Variants in BMAL1 observed in about 807,000 individuals in gnomAD.
The protein encoded by BMAL1 is basic helix-loop-helix ARNT-like protein 1.
At chr11:13,371,290 TCTC>T in the BMAL1 span, among the ~76,000 whole-genome samples, 9 of 152,334 alleles carry the variant, frequency 5.9e-5, no homozygotes, top group Non-Finnish European at 1.0e-4. Flanking sequence ...TTTTCTTTCT[TCTC>T]TGAGTCAGTG....
chr11:13,363,946 T>G, the BMAL1 span, among the ~76,000 whole-genome samples: 1 of 152,188 alleles, frequency 6.6e-6, no homozygotes, highest in African/African-American at 2.4e-5. Flanking sequence ...ATGCATTCAC[T>G]GCTTTGGAAC....
At chr11:13,280,720 T>C in the BMAL1 span, among the ~76,000 whole-genome samples, 1 of 152,184 alleles carries the variant, frequency 6.6e-6, no homozygotes, top group Non-Finnish European at 1.5e-5. Flanking sequence ...AAGACTCAGA[T>C]TTATCCCAAA....
chr11:13,385,942 A>G, the BMAL1 span: 1 of 675,668 alleles, frequency 1.5e-6, no homozygotes, highest in Non-Finnish European at 2.4e-6. Flanking sequence ...TTAAATCTCT[A>G]AAAAGTTGAC....
chr11:13,380,420 C>T, the BMAL1 span: 2 of 152,230 alleles, frequency 1.3e-5, no homozygotes, highest in East Asian at 1.9e-4. Context: ...CCATCACACT[C>T]TCCCTAAACT....
At chr11:13,373,625 G>A in the BMAL1 span, among the ~76,000 whole-genome samples, 1 of 152,140 alleles carries the variant, frequency 6.6e-6, no homozygotes, top group African/African-American at 2.4e-5. Flanking sequence ...TCCCACCTCA[G>A]CCTCCCAGGT....
the BMAL1 span, among the ~76,000 whole-genome samples, chr11:13,352,927 G>A: frequency 6.6e-6 from 1 of 152,220 alleles, no homozygotes; most frequent in African/African-American, 2.4e-5. Context: ...AACTGGGCTT[G>A]GAGTCAGAGT....
At chr11:13,380,020 T>C in the BMAL1 span, 4 of 152,212 alleles carry the variant, frequency 2.6e-5, no homozygotes, top group Non-Finnish European at 5.9e-5. Context: ...GGCCTTATCC[T>C]ACAGAGATGA....
the BMAL1 span, among the ~76,000 whole-genome samples, chr11:13,309,681 C>A: frequency 6.6e-6 from 1 of 152,044 alleles, no homozygotes; most frequent in Admixed American, 6.6e-5. Flanking sequence ...TTTAACAGGT[C>A]TCTTCTCTTA....
the BMAL1 span, among the ~76,000 whole-genome samples, chr11:13,284,194 G>A: frequency 0.071 from 1,038 of 14,572 alleles, 125 homozygotes; most frequent in African/African-American, 0.18. Context: ...ATATATATAT[G>A]TGTGTATATA....
At chr11:13,386,016 C>CCTAGA in the BMAL1 span, among the ~76,000 whole-genome samples, 1 of 152,170 alleles carries the variant, frequency 6.6e-6, no homozygotes, top group African/African-American at 2.4e-5. Context: ...GCTACAGCTA[C>CCTAGA]CTAGACATAG....
chr11:13,318,512 GTGT>G, the BMAL1 span, among the ~76,000 whole-genome samples: 2 of 139,738 alleles, frequency 1.4e-5, no homozygotes, highest in African/African-American at 2.7e-5. Context: ...ACAATTTATG[GTGT>G]TGTAAATTTG....
At chr11:13,340,901 A>G in the BMAL1 span, among the ~76,000 whole-genome samples, 1 of 152,184 alleles carries the variant, frequency 6.6e-6, no homozygotes, top group Non-Finnish European at 1.5e-5. Flanking sequence ...TGGTCTGCAC[A>G]ACAACCCAGT....
the BMAL1 span, among the ~76,000 whole-genome samples, chr11:13,326,883 G>A: frequency 2.6e-5 from 4 of 151,808 alleles, no homozygotes; most frequent in South Asian, 2.1e-4. Context: ...GCAGTGGTGC[G>A]ATCTCGGCTC....
the BMAL1 span, among the ~76,000 whole-genome samples, chr11:13,355,798 G>A: frequency 8.5e-5 from 13 of 152,088 alleles, no homozygotes; most frequent in Admixed American, 7.2e-4. Flanking sequence ...ACCCCAGGGC[G>A]TCTAATTGGG....
chr11:13,358,616 T>C, the BMAL1 span: 2 of 1,539,510 alleles, frequency 1.3e-6, no homozygotes, highest in African/African-American at 2.8e-5. Flanking sequence ...TCTATTGTCC[T>C]TTATGTCCTT....
At chr11:13,349,966 C>T in the BMAL1 span, 1 of 152,124 alleles carries the variant, frequency 6.6e-6, no homozygotes, top group African/African-American at 2.4e-5. Context: ...AAGCTGACCG[C>T]CTGAAAAGAA....
chr11:13,314,725 C>G, the BMAL1 span, among the ~76,000 whole-genome samples: 1 of 152,216 alleles, frequency 6.6e-6, no homozygotes, highest in African/African-American at 2.4e-5. Context: ...GAACTACTGT[C>G]TGACAGCCTT....
chr11:13,348,731 G>GC, the BMAL1 span, among the ~76,000 whole-genome samples: 2 of 152,174 alleles, frequency 1.3e-5, no homozygotes, highest in African/African-American at 4.8e-5. Context: ...CACATTATTT[G>GC]CATGTGCCCA....
At chr11:13,330,605 C>T in the BMAL1 span, among the ~76,000 whole-genome samples, 7 of 152,192 alleles carry the variant, frequency 4.6e-5, no homozygotes, top group African/African-American at 1.7e-4. Context: ...AGATGTAGAG[C>T]GAAATTATTG....
Sources: allele counts gnomAD v4.1 joint callset (sites outside exome capture counted in the v4.1 genomes callset), GRCh38; gene constraint gnomAD v4.1.1; transcripts MANE v1.5; gene names NCBI Gene and HGNC (gene_info 2026-07-23, HGNC 2026-07-21).